BRINP3: variants seen among roughly 807,000 people sequenced by gnomAD.
BRINP3 encodes the protein BMP/retinoic acid-inducible neural-specific protein 3.
In BRINP3, 19 loss-of-function variants were observed where a neutral mutation model predicts 71.0. The ratio of observed to expected loss-of-function variants is 0.27; its 90% confidence interval spans 0.19 to 0.39. The LOEUF (loss-of-function observed/expected upper bound fraction) is 0.39, where lower values mean the gene tolerates loss of function less well. Ranked by LOEUF, BRINP3 falls within the 10% of genes least tolerant of loss-of-function variation. The pLI, the probability that BRINP3 is intolerant of heterozygous loss-of-function variation, is 1.00. For synonymous variants in BRINP3, 380 were observed against 337.7 expected (o/e 1.13, Z -1.37); for missense variants, 959 against 940.8 (o/e 1.02, Z -0.25).
chr1:190,476,667 G>T (rs1677524416), intron 1 of BRINP3, among the ~76,000 whole-genome samples: 1 of 152,096 alleles, frequency 6.6e-6, no homozygotes, highest in South Asian at 2.1e-4. Flanking sequence ...GTCTATTCTT[G>T]AATTTCAATT....
rs543432525 is a variant in BRINP3, at chr1:190,131,749, T to G, written c.1184+28919A>C. 2.6e-5 allele frequency among the ~76,000 whole-genome samples: 4 copies of G among 152,232 alleles called. No individual in the cohort carries two copies. In the East Asian group the frequency reaches 7.7e-4, roughly 29 times the overall value. On this transcript the variant is annotated intron_variant, in intron 7 of 7. Transcript: ENST00000367462. Reference sequence around the variant, plus strand: ...CATTGTGGACTTACCCAGCTCTCCATGATCTTGCTCCTATCTACAAATGCA... The same window carrying G: ...CATTGTGGACTTACCCAGCTCTCCAGGATCTTGCTCCTATCTACAAATGCA...
At chr1:190,439,752 GT>G (rs1453511945) in intron 2 of BRINP3, among the ~76,000 whole-genome samples, 28 of 151,816 alleles carry the variant, frequency 1.8e-4, no homozygotes, top group Admixed American at 1.8e-3. Context: ...GAAAATTTGA[GT>G]TTTTAAGTAA....
Position 190,371,921 on chromosome 1 carries a change from G to T in BRINP3, c.236+82734C>A, listed in dbSNP as rs555824244. 2.0e-5 allele frequency among the ~76,000 whole-genome samples: 3 copies of T among 152,196 alleles called. 1 individual carries two copies. Among genetic ancestry groups the T allele is most frequent in the African/African-American group, 7.2e-5 (3 of 41,532 alleles). ...CAACCAGTACTATTACCCCATGTCC[G>T]ACATTCACGGTGACATAAGCTTCAG... On this transcript the variant is annotated intron_variant, in intron 2 of 7. Transcript: ENST00000367462.
intron 1 of BRINP3, among the ~76,000 whole-genome samples, chr1:190,459,340 A>G (rs1160385349): frequency 6.6e-6 from 1 of 151,792 alleles, no homozygotes; most frequent in Non-Finnish European, 1.5e-5. Flanking sequence ...ATTCTTTCTT[A>G]CTAGCTGTCA....
chr1:190,430,757 G>T (rs547125770), intron 2 of BRINP3, among the ~76,000 whole-genome samples: 1 of 152,266 alleles, frequency 6.6e-6, no homozygotes, highest in East Asian at 1.9e-4. Flanking sequence ...TCTTCTCAGT[G>T]TGAAATGTTG....
Position 190,429,042 on chromosome 1 carries a change from T to C in BRINP3, c.236+25613A>G, listed in dbSNP as rs115714981. 7.9e-3 allele frequency among the ~76,000 whole-genome samples: 1,198 copies of C among 152,226 alleles called. 16 individuals are homozygous for C. The highest frequency in any genetic ancestry group is 8.5e-3 in the Non-Finnish European group (578 of 67,980). On this transcript the variant is annotated intron_variant, in intron 2 of 7. Transcript: ENST00000367462. ...ATACTTGCTATAAATCAGATGCTGC[T>C]TTAGCTACTTTACATTTACTCATTC...
Position 190,098,453 on chromosome 1 carries a change from A to G in BRINP3, c.1866T>C (p.Phe622=). 1 of 1,614,156 alleles carries G rather than the reference A, an allele frequency of 6.2e-7. No homozygotes were observed. Among genetic ancestry groups the G allele is most frequent in the Non-Finnish European group, 8.5e-7 (1 of 1,180,020 alleles). The part of the protein sequence containing the change: ...LTLGNKWKTF[F]ETVHIYLRSR... The stretch of plus-strand genomic sequence containing the variant: ...TTCTCAGGTAGATGTGTACTGTCTC[A>G]AAAAATGTCTTCCATTTGTTCCCCA... Residue 622 remains phenylalanine (F), a synonymous_variant, in exon 8 of 8, where the codon TTT becomes TTC. Coordinates refer to ENST00000367462, the MANE Select transcript of BRINP3 (RefSeq NM_199051.3).
chr1:190,457,499 A>G (rs1676080327), intron 1 of BRINP3, among the ~76,000 whole-genome samples: 1 of 142,118 alleles, frequency 7.0e-6, no homozygotes, highest in Admixed American at 7.0e-5. Flanking sequence ...TACTAACGCT[A>G]TAGATGTTTG....
In BRINP3 at chr1:190,454,835, T is replaced by C; in HGVS notation, c.56A>G (p.Glu19Gly). The C allele has an allele frequency of 6.2e-7, 1 of 1,614,116 alleles. No individual in the cohort carries two copies. Among genetic ancestry groups the C allele is most frequent in the Non-Finnish European group, 8.5e-7 (1 of 1,180,020 alleles). The change falls in exon 2 of 8, where the codon GAG (glutamate) becomes GGG (glycine). Residue 19 changes from glutamate to glycine, a missense_variant. By Grantham distance (98) the Glu-to-Gly change is moderately conservative. Transcript: ENST00000367462. ...GCAATGAAGACTCAGTGCTATCCACTCCCATAGAGCCATCAGAGAGAACAA... is the reference window on the plus strand; with the variant it reads ...GCAATGAAGACTCAGTGCTATCCACCCCCATAGAGCCATCAGAGAGAACAA... ...AELFSLMALW[E>G]WIALSLHCWV...
intron 2 of BRINP3, among the ~76,000 whole-genome samples, chr1:190,450,463 T>G (rs1329817101): frequency 6.6e-6 from 1 of 152,174 alleles, no homozygotes; most frequent in Non-Finnish European, 1.5e-5. Flanking sequence ...ATACAGTATT[T>G]TAATAGGAAG....
At chr1:190,339,292 G>GA (rs908233838) in intron 2 of BRINP3, among the ~76,000 whole-genome samples, 1 of 151,782 alleles carries the variant, frequency 6.6e-6, no homozygotes. Flanking sequence ...GAATATCTTT[G>GA]AAAAAGGATT....
intron 6 of BRINP3, among the ~76,000 whole-genome samples, chr1:190,179,036 T>C (rs1247811835): frequency 6.6e-6 from 1 of 152,172 alleles, no homozygotes; most frequent in Non-Finnish European, 1.5e-5. Flanking sequence ...GTCAGCATAA[T>C]ATTTAAAACG....
rs576762105 is a variant in BRINP3 at position 190,224,127 on chromosome 1, G to GA, written c.961+1954dup. On this transcript the variant is annotated intron_variant, in intron 6 of 7. Transcript: ENST00000367462. ...AACAGTGGCATTCTTCACAGAAATAGAAAAAAAAAATTATAAAATATGTGC... is the reference window on the plus strand; with the variant it reads ...AACAGTGGCATTCTTCACAGAAATAGAAAAAAAAAAATTATAAAATATGTGC... Among the ~76,000 whole-genome samples the GA allele has an allele frequency of 1.8e-3, 261 of 147,818 alleles. 2 individuals are homozygous for GA. In the East Asian group the frequency reaches 0.028, roughly 16 times the overall value.
At chr1:190,296,407 G>A (rs1664258180) in intron 2 of BRINP3, among the ~76,000 whole-genome samples, 1 of 151,902 alleles carries the variant, frequency 6.6e-6, no homozygotes. Flanking sequence ...ATTAGGTATA[G>A]AAAAAATGTA....
intron 2 of BRINP3, among the ~76,000 whole-genome samples, chr1:190,347,079 C>G (rs1668069281): frequency 6.6e-6 from 1 of 151,980 alleles, no homozygotes; most frequent in Non-Finnish European, 1.5e-5. Context: ...TAGCAGTTAC[C>G]CTAATAATAG....
intron 2 of BRINP3, among the ~76,000 whole-genome samples, chr1:190,411,469 A>G (rs1028751736): frequency 6.6e-6 from 1 of 152,192 alleles, no homozygotes; most frequent in Non-Finnish European, 1.5e-5. Context: ...CAATGCAAAC[A>G]GTGATTCTCC....
Position 190,098,902 on chromosome 1 carries a change from G to A in BRINP3, c.1417C>T (p.Leu473Phe). The change falls in exon 8 of 8, where the codon CTC becomes TTC. Residue 473 changes from leucine (L) to phenylalanine (F), a missense_variant. Leu to Phe is a conservative substitution (Grantham distance 22). Transcript: ENST00000367462. ...CNTGYMLSQG[L>F]CKPEVAESTD... is the part of the protein sequence containing the mutation. ...GACTCGGCGACTTCAGGCTTGCAGA[G>A]CCCCTGGCTGAGCATGTAGCCGGTG... is the stretch of plus-strand genomic sequence containing the variant. The A allele has an allele frequency of 6.2e-7, 1 of 1,614,164 alleles. No individual in the cohort carries two copies. The highest frequency in any genetic ancestry group is 8.5e-7 in the Non-Finnish European group (1 of 1,180,032).
intron 1 of BRINP3, among the ~76,000 whole-genome samples, chr1:190,457,794 T>A (rs1295093652): frequency 6.6e-6 from 1 of 152,150 alleles, no homozygotes; most frequent in Non-Finnish European, 1.5e-5. Flanking sequence ...TTGACCTAGA[T>A]GGCATTTGAG....
At chr1:190,285,804 C>G (rs1001448907) in intron 2 of BRINP3, among the ~76,000 whole-genome samples, 1 of 151,348 alleles carries the variant, frequency 6.6e-6, no homozygotes, top group Non-Finnish European at 1.5e-5. Context: ...GTTGGAAAAA[C>G]AAAGCAATGG....
Sources: allele counts gnomAD v4.1 joint callset (sites outside exome capture counted in the v4.1 genomes callset), GRCh38; gene constraint gnomAD v4.1.1; transcripts MANE v1.5; gene names NCBI Gene and HGNC (gene_info 2026-07-23, HGNC 2026-07-21).